Variants in PTN observed in about 807,000 individuals in gnomAD.
PTN encodes the protein heparin affin regulatory protein.
In PTN, 18 loss-of-function variants were observed where a neutral mutation model predicts 24.1. That is an observed-to-expected ratio of 0.75 (90% confidence interval 0.52 to 1.11). The LOEUF is 1.11. Ranked by LOEUF, PTN falls within the 50% of genes least tolerant of loss-of-function variation. PTN has a pLI of 0.00. For missense variants in PTN, 163 were observed against 198.8 expected (o/e 0.82, Z 1.08); for synonymous variants, 78 against 68.6 (o/e 1.14, Z -0.67).
Position 137,310,886 on chromosome 7 carries a change from C to T in PTN, c.-2+32553G>A, listed in dbSNP as rs190642429. On this transcript the variant is annotated intron_variant, in intron 1 of 4. Transcript: ENST00000348225. The stretch of plus-strand genomic sequence containing the variant: ...TTCCTTAAACCTCATGAACCAATCT[C>T]TGCTGGCTTAAAACTTTTCTTCTGC... Among the ~76,000 whole-genome samples the T allele has an allele frequency of 1.6e-3, 245 of 152,282 alleles. 3 individuals are homozygous for T. The highest frequency in any genetic ancestry group is 2.8e-4 in the Non-Finnish European group (19 of 68,010).
At chr7:137,263,854 T>C (rs1043544084) in intron 1 of PTN, among the ~76,000 whole-genome samples, 2 of 151,936 alleles carry the variant, frequency 1.3e-5, no homozygotes, top group African/African-American at 4.8e-5. Context: ...GTGGGGGCCG[T>C]CCAGTCCCGG....
chr7:137,306,578 C>T, intron 1 of PTN, among the ~76,000 whole-genome samples: 1 of 151,954 alleles, frequency 6.6e-6, no homozygotes, highest in East Asian at 1.9e-4. Context: ...TGAAAAAATG[C>T]CAAAGCCAAT....
At chr7:137,288,840 C>T (rs1438008594) in intron 1 of PTN, among the ~76,000 whole-genome samples, 1 of 152,120 alleles carries the variant, frequency 6.6e-6, no homozygotes, top group African/African-American at 2.4e-5. Context: ...ACAACAGGGG[C>T]AAAATCATAC....
chr7:137,269,930 C>A (rs901119755), intron 1 of PTN, among the ~76,000 whole-genome samples: 1 of 152,142 alleles, frequency 6.6e-6, no homozygotes, highest in Non-Finnish European at 1.5e-5. Context: ...CGCGCCCAGC[C>A]TGCTCCATCT....
At chr7:137,287,041 T>C (rs1375321192) in intron 1 of PTN, among the ~76,000 whole-genome samples, 1 of 152,230 alleles carries the variant, frequency 6.6e-6, no homozygotes, top group Admixed American at 6.5e-5. Context: ...ATTTGAGTCC[T>C]AATTATTCTA....
At chr7:137,259,980 T>C (rs1809005095) in intron 1 of PTN, among the ~76,000 whole-genome samples, 1 of 152,148 alleles carries the variant, frequency 6.6e-6, no homozygotes, top group Non-Finnish European at 1.5e-5. Flanking sequence ...TCCCACTTTT[T>C]ATTTAAAGTA....
intron 1 of PTN, among the ~76,000 whole-genome samples, chr7:137,339,648 G>A (rs1810504148): frequency 6.6e-6 from 1 of 151,618 alleles, no homozygotes; most frequent in African/African-American, 2.4e-5. Context: ...CAGCTAGGAA[G>A]GTCCAAGCTT....
intron 4 of PTN, among the ~76,000 whole-genome samples, chr7:137,231,471 C>T (rs550475161): frequency 1.3e-5 from 2 of 151,988 alleles, no homozygotes; most frequent in Non-Finnish European, 2.9e-5. Context: ...CACAGACACT[C>T]TCATTGTGCC....
In PTN at chr7:137,314,255, G is replaced by A. The variant is rs140317940; in HGVS notation, c.-2+29184C>T. Among the ~76,000 whole-genome samples the A allele has an allele frequency of 1.8e-4, 28 of 152,220 alleles. No individual in the cohort carries two copies. In the East Asian group the frequency reaches 3.5e-3, roughly 19 times the overall value. On this transcript the variant is annotated intron_variant, in intron 1 of 4. Coordinates refer to ENST00000348225, the MANE Select transcript of PTN (RefSeq NM_002825.7). ...CTTTCCAGAATAGGGCATACATTGA[G>A]TACTCCATGCATTAAAGTGGCCTTA...
At chr7:137,232,229 T>G (rs10488606) in intron 4 of PTN, among the ~76,000 whole-genome samples, 2 of 151,752 alleles carry the variant, frequency 1.3e-5, no homozygotes, top group Non-Finnish European at 1.5e-5. Context: ...ATTGTCAACA[T>G]GTGAAAGTAA....
chr7:137,307,733 T>C (rs1369118579), intron 1 of PTN, among the ~76,000 whole-genome samples: 1 of 152,118 alleles, frequency 6.6e-6, no homozygotes, highest in East Asian at 1.9e-4. Context: ...TTCAAGTTGA[T>C]AGTGTGCTTT....
intron 1 of PTN, among the ~76,000 whole-genome samples, chr7:137,261,539 G>A (rs1451021488): frequency 6.6e-6 from 1 of 152,060 alleles, no homozygotes; most frequent in Admixed American, 6.6e-5. Flanking sequence ...CATACTTACA[G>A]GGGCCAAGGG....
At chr7:137,231,331 T>C (rs1808423358) in intron 4 of PTN, among the ~76,000 whole-genome samples, 1 of 151,914 alleles carries the variant, frequency 6.6e-6, no homozygotes, top group African/African-American at 2.4e-5. Flanking sequence ...TTATTTCCTC[T>C]TGGCCTGAGT....
At chr7:137,255,066 C>T in intron 1 of PTN, 92 bp from the exon 2 acceptor site, 2 of 802,950 alleles carry the variant, frequency 2.5e-6, no homozygotes, top group Non-Finnish European at 3.6e-6. Flanking sequence ...CTCCACTTTC[C>T]ATTTCTGGAA....
Position 137,251,321 on chromosome 7 carries a change from T to A in PTN, c.360A>T (p.Gly120=). ...CATTGTGCAGGGCTCGCTTCAGACT[T>A]CCAGTTCTGGTCTTCAGGGCTGTGT... ...DLNTALKTRT[G]SLKRALHNAE... The change falls in exon 4 of 5, where the codon GGA becomes GGT. Residue 120 remains glycine, a synonymous_variant. Coordinates refer to ENST00000348225, the MANE Select transcript of PTN (RefSeq NM_002825.7). 6.2e-7 allele frequency: 1 copy of A among 1,614,142 alleles called. No homozygotes were observed. Among genetic ancestry groups the A allele is most frequent in the South Asian group, 1.1e-5 (1 of 91,088 alleles).
intron 1 of PTN, among the ~76,000 whole-genome samples, chr7:137,256,635 G>A (rs1018907273): frequency 6.6e-6 from 1 of 152,134 alleles, no homozygotes; most frequent in African/African-American, 2.4e-5. Context: ...ATGTGTGCCT[G>A]TGTCTTTATA....
chr7:137,330,615 G>T (rs910127714), intron 1 of PTN, among the ~76,000 whole-genome samples: 2 of 152,160 alleles, frequency 1.3e-5, no homozygotes, highest in African/African-American at 4.8e-5. Flanking sequence ...ACGGTAGAAA[G>T]GTTTATGGAA....
At chr7:137,285,801 T>A (rs1028572278) in intron 1 of PTN, among the ~76,000 whole-genome samples, 2 of 152,242 alleles carry the variant, frequency 1.3e-5, no homozygotes, top group Non-Finnish European at 2.9e-5. Context: ...TCCTATATCA[T>A]CTTTCTACCC....
chr7:137,260,160 T>A (rs1563203245), intron 1 of PTN, among the ~76,000 whole-genome samples: 1 of 152,144 alleles, frequency 6.6e-6, no homozygotes, highest in Non-Finnish European at 1.5e-5. Context: ...AACAATCAGT[T>A]TTGAGAGTAG....
Sources: gnomAD v4.1 joint callset for allele counts (sites outside exome capture counted in the v4.1 genomes callset) on GRCh38, gnomAD v4.1.1 for gene constraint, MANE v1.5 for transcripts, NCBI Gene and HGNC (gene_info 2026-07-23, HGNC 2026-07-21) for gene names.